The following DNER variants were observed in gnomAD, a reference collection of about 807,000 sequenced individuals.
DNER encodes delta/notch like EGF repeat containing.
DNER carries 33 observed loss-of-function variants against 78.2 expected under a neutral mutation model. The ratio of observed to expected loss-of-function variants is 0.42; its 90% confidence interval spans 0.32 to 0.56. The LOEUF is 0.56. Ranked by LOEUF, DNER falls within the 20% of genes least tolerant of loss-of-function variation. The pLI is 0.11. For synonymous variants in DNER, 417 were observed against 384.8 expected (o/e 1.08, Z -0.98); for missense variants, 918 against 975.3 (o/e 0.94, Z 0.78).
At chr2:229,635,361 G>GAAAAAAAAAAAAAAAAAAAAAA (rs58220819) in intron 1 of DNER, among the ~76,000 whole-genome samples, 1 of 85,890 alleles carries the variant, frequency 1.2e-5, no homozygotes, top group African/African-American at 5.1e-5. Context: ...GGTCCCACAG[G>GAAAAAAAAAAAAAAAAAAAAAA]AAAAAAAAAA....
chr2:229,422,508 C>T (rs373260365), intron 8 of DNER, among the ~76,000 whole-genome samples: 9 of 152,076 alleles, frequency 5.9e-5, no homozygotes, highest in African/African-American at 1.4e-4. Context: ...TGAGAAAGAG[C>T]GGTGGAGATG....
At chr2:229,581,869 G>T (rs866682323) in intron 4 of DNER, among the ~76,000 whole-genome samples, 1 of 150,188 alleles carries the variant, frequency 6.7e-6, no homozygotes, top group Non-Finnish European at 1.5e-5. Context: ...TTGGTCATCA[G>T]TTATGTTTAT....
intron 4 of DNER, among the ~76,000 whole-genome samples, chr2:229,547,481 C>G (rs969079744): frequency 2.0e-5 from 3 of 152,164 alleles, no homozygotes; most frequent in Admixed American, 2.0e-4. Flanking sequence ...CAGTCTTCTA[C>G]CAGGGAGCAG....
At chr2:229,554,211 T>C (rs887256103) in intron 4 of DNER, among the ~76,000 whole-genome samples, 4 of 152,160 alleles carry the variant, frequency 2.6e-5, no homozygotes, top group Non-Finnish European at 4.4e-5. Context: ...AAGTCCTACA[T>C]CAATGCTAAG....
At chr2:229,509,542 A>G (rs6718732) in intron 6 of DNER, among the ~76,000 whole-genome samples, 6,669 of 152,332 alleles carry the variant, frequency 0.044, 388 homozygotes, top group African/African-American at 0.14. Flanking sequence ...GGCCAGGCGC[A>G]GTGGCGCACA....
chr2:229,514,976 A>C (rs1237525428), intron 5 of DNER, among the ~76,000 whole-genome samples: 1 of 152,234 alleles, frequency 6.6e-6, no homozygotes, highest in Admixed American at 6.5e-5. Flanking sequence ...TTAGTTTAAT[A>C]ATACATTCTT....
At chr2:229,386,712 A>C (rs1400656883) in intron 11 of DNER, among the ~76,000 whole-genome samples, 1 of 152,248 alleles carries the variant, frequency 6.6e-6, no homozygotes, top group Non-Finnish European at 1.5e-5. Context: ...CAGCCAACAA[A>C]AATATGAAAA....
intron 1 of DNER, among the ~76,000 whole-genome samples, chr2:229,606,467 T>A (rs1697940161): frequency 6.7e-6 from 1 of 150,328 alleles, no homozygotes; most frequent in African/African-American, 2.5e-5. Flanking sequence ...GCAGAAAAAC[T>A]GACATCTCTA....
chr2:229,630,781 G>GC (rs1313420960), intron 1 of DNER, among the ~76,000 whole-genome samples: 1 of 151,906 alleles, frequency 6.6e-6, no homozygotes, highest in East Asian at 1.9e-4. Flanking sequence ...TTCAACCCTT[G>GC]CCCCCCTTCC....
At chr2:229,501,684 A>G (rs1469361634) in intron 6 of DNER, among the ~76,000 whole-genome samples, 1 of 152,220 alleles carries the variant, frequency 6.6e-6, no homozygotes, top group African/African-American at 2.4e-5. Context: ...ATAATTTTGC[A>G]TGATCAAACT....
At chr2:229,426,875 A>C (rs1306144193) in intron 8 of DNER, among the ~76,000 whole-genome samples, 2 of 152,204 alleles carry the variant, frequency 1.3e-5, no homozygotes, top group East Asian at 3.8e-4. Context: ...CACACAATAA[A>C]GCCAGAAAAT....
chr2:229,366,987 C>G lies in DNER; in HGVS notation c.1988G>C (p.Arg663Pro). Reference protein sequence around the residue: ...MLIILIVGICRISRIEYQGSS... With the variant: ...MLIILIVGICPISRIEYQGSS... The stretch of plus-strand genomic sequence containing the variant: ...ACCCTGGTATTCAATGCGGCTGATG[C>G]GGCAAATCCCCACGATCAGGATGAT... Residue 663 changes from arginine to proline, a missense_variant, in exon 12 of 13, where the codon CGC becomes CCC. Transcript: ENST00000341772. The G allele has an allele frequency of 6.2e-7, 1 of 1,614,056 alleles. No homozygotes were observed. The highest frequency in any genetic ancestry group is 8.5e-7 in the Non-Finnish European group (1 of 1,179,998).
intron 4 of DNER, among the ~76,000 whole-genome samples, chr2:229,570,847 G>C (rs1697206123): frequency 6.6e-6 from 1 of 152,144 alleles, no homozygotes; most frequent in Non-Finnish European, 1.5e-5. Flanking sequence ...GGGATGCCTG[G>C]GAAGTTCTGG....
chr2:229,607,737 G>A (rs1474664362), intron 1 of DNER, among the ~76,000 whole-genome samples: 2 of 152,016 alleles, frequency 1.3e-5, no homozygotes, highest in African/African-American at 4.8e-5. Context: ...AATTAGTGTA[G>A]GAAGGATGGG....
intron 10 of DNER, among the ~76,000 whole-genome samples, chr2:229,401,908 G>A (rs1248752806): frequency 6.6e-6 from 1 of 152,042 alleles, no homozygotes; most frequent in African/African-American, 2.4e-5. Flanking sequence ...GAAATCCAAT[G>A]GGGAAAAGAC....
intron 1 of DNER, among the ~76,000 whole-genome samples, chr2:229,633,128 G>A (rs1200654277): frequency 1.3e-5 from 2 of 152,120 alleles, no homozygotes; most frequent in Non-Finnish European, 2.9e-5. Flanking sequence ...AAATCTATAA[G>A]TTCAAAGCTG....
chr2:229,387,501 A>AAGAGAGAG (rs1353935134), intron 11 of DNER, among the ~76,000 whole-genome samples: 5 of 97,300 alleles, frequency 5.1e-5, no homozygotes, highest in Admixed American at 2.5e-4. Context: ...GAAAGAAAGA[A>AAGAGAGAG]AGAAAGAGAG....
chr2:229,535,923 C>T (rs775041336), intron 5 of DNER, among the ~76,000 whole-genome samples: 4 of 152,154 alleles, frequency 2.6e-5, no homozygotes, highest in Non-Finnish European at 4.4e-5. Context: ...GGATTACAGG[C>T]GTGAGCCACC....
At chr2:229,563,962 A>ATCT in intron 4 of DNER, among the ~76,000 whole-genome samples, 1 of 146,310 alleles carries the variant, frequency 6.8e-6, no homozygotes, top group South Asian at 2.2e-4. Flanking sequence ...CACCATCATC[A>ATCT]TCCTCATCCC....
Sources: allele counts gnomAD v4.1 joint callset (sites outside exome capture counted in the v4.1 genomes callset), GRCh38; gene constraint gnomAD v4.1.1; transcripts MANE v1.5; gene names NCBI Gene and HGNC (gene_info 2026-07-23, HGNC 2026-07-21).